PKP4: variants seen among roughly 807,000 people sequenced by gnomAD.
PKP4 encodes the protein plakophilin 4, also known as plakophilin-4.
Under a neutral mutation model 145.1 loss-of-function variants are expected in PKP4, and 90 were observed. The observed-to-expected ratio is 0.62, with a 90% CI of 0.52 to 0.74. The LOEUF is 0.74. Among genes scored for constraint, PKP4 ranks in the 30% least tolerant of loss-of-function variants. PKP4 has a pLI of 0.00. For missense variants in PKP4, 1,340 were observed against 1,482.7 expected (o/e 0.90, Z 1.58); for synonymous variants, 563 against 577.2 (o/e 0.98, Z 0.35).
chr2:158,678,898 A>T (rs2058244392), intron 21 of PKP4: 1 of 550,300 alleles, frequency 1.8e-6, no homozygotes, highest in African/African-American at 1.9e-5. Flanking sequence ...GACAGCCGAG[A>T]AGTCTTTAGT....
chr2:158,656,964 C>T (rs1003466789), intron 11 of PKP4, among the ~76,000 whole-genome samples: 4 of 152,186 alleles, frequency 2.6e-5, no homozygotes, highest in Non-Finnish European at 5.9e-5. Flanking sequence ...CTCCGGGCCA[C>T]GCTCTTGATC....
intron 2 of PKP4, among the ~76,000 whole-genome samples, chr2:158,547,768 G>A (rs2045209928): frequency 1.3e-5 from 2 of 152,174 alleles, no homozygotes; most frequent in East Asian, 1.9e-4. Flanking sequence ...ATAGAGCACA[G>A]ACTCTTGGAT....
intron 3 of PKP4, among the ~76,000 whole-genome samples, chr2:158,594,512 G>A (rs980237736): frequency 6.6e-6 from 1 of 152,184 alleles, no homozygotes. Context: ...GCCTTAGGAA[G>A]AGAGGGGACT....
chr2:158,604,323 A>G (rs1406301501), intron 4 of PKP4, among the ~76,000 whole-genome samples: 2 of 152,182 alleles, frequency 1.3e-5, no homozygotes, highest in Non-Finnish European at 2.9e-5. Flanking sequence ...TGCAAAGTCT[A>G]GAAGGCTGAA....
chr2:158,617,717 A>G (rs1027164252), intron 4 of PKP4, among the ~76,000 whole-genome samples: 1 of 152,228 alleles, frequency 6.6e-6, no homozygotes, highest in African/African-American at 2.4e-5. Flanking sequence ...CTGTGCATAT[A>G]TAGGTTTATG....
intron 11 of PKP4, among the ~76,000 whole-genome samples, chr2:158,648,860 G>T (rs538455682): frequency 6.6e-6 from 1 of 151,014 alleles, no homozygotes; most frequent in Admixed American, 6.6e-5. Context: ...TTAGCCAGGT[G>T]TGGTGGCACA....
intron 1 of PKP4, among the ~76,000 whole-genome samples, chr2:158,470,684 A>G (rs1691427132): frequency 6.6e-6 from 1 of 152,210 alleles, no homozygotes; most frequent in Non-Finnish European, 1.5e-5. Context: ...GACACTAGTA[A>G]GAAGAACTGA....
At chr2:158,514,328 C>G (rs1490027281) in intron 1 of PKP4, among the ~76,000 whole-genome samples, 1 of 152,180 alleles carries the variant, frequency 6.6e-6, no homozygotes, top group African/African-American at 2.4e-5. Context: ...TCATCCAGTC[C>G]ATTGCGTTCT....
chr2:158,632,939 G>A (rs544883743), intron 8 of PKP4, among the ~76,000 whole-genome samples: 1 of 152,328 alleles, frequency 6.6e-6, no homozygotes, highest in South Asian at 2.1e-4. Context: ...AGGAAGATAT[G>A]TACACAGTTA....
At chr2:158,642,806 A>G in intron 11 of PKP4, 107 bp downstream of exon 11, 1 of 746,420 alleles carries the variant, frequency 1.3e-6, no homozygotes, top group Non-Finnish European at 2.2e-6. Context: ...GGTAATAGAT[A>G]ATGAGATATA....
rs1482605466 is a variant in PKP4, at chr2:158,625,090, C to G, written c.816C>G (p.Ala272=). 2 of 1,614,074 alleles carry G rather than the reference C, an allele frequency of 1.2e-6. No individual in the cohort carries two copies. The highest frequency in any genetic ancestry group is 1.7e-5 in the Admixed American group (1 of 60,014). Residue 272 remains alanine (A), a synonymous_variant, in exon 7 of 22, where the codon GCC becomes GCG. Coordinates refer to ENST00000389759, the MANE Select transcript of PKP4 (RefSeq NM_003628.6). The stretch of plus-strand genomic sequence containing the variant: ...CCACATTACCTGCTGCACGGGCAGC[C>G]TCTCCGTACTCACAGAGACCCGCCT... ...SSTTLPAARA[A]SPYSQRPASP... is the part of the protein sequence containing the mutation.
At chr2:158,593,692 C>T (rs1328450391) in intron 3 of PKP4, among the ~76,000 whole-genome samples, 1 of 152,178 alleles carries the variant, frequency 6.6e-6, no homozygotes, top group African/African-American at 2.4e-5. Context: ...CTTTCGCCTT[C>T]AGGAGGCTGA....
chr2:158,517,787 G>A (rs762379049), intron 1 of PKP4, among the ~76,000 whole-genome samples: 5 of 151,706 alleles, frequency 3.3e-5, no homozygotes, highest in South Asian at 2.1e-4. Flanking sequence ...CAGTGGTGTC[G>A]TGCCACTGTA....
chr2:158,617,132 A>T (rs577842093), intron 4 of PKP4, among the ~76,000 whole-genome samples: 1 of 152,340 alleles, frequency 6.6e-6, no homozygotes, highest in African/African-American at 2.4e-5. Context: ...GAGCACTCAA[A>T]TGAAATGTAA....
At chr2:158,670,784 T>C (rs929518684) in intron 17 of PKP4, among the ~76,000 whole-genome samples, 5 of 152,222 alleles carry the variant, frequency 3.3e-5, no homozygotes, top group Non-Finnish European at 7.3e-5. Flanking sequence ...ATGGCGCATT[T>C]CCCTTTGCTT....
chr2:158,658,164 T>C lies in PKP4; in HGVS notation c.1943T>C (p.Val648Ala), dbSNP rs1187330813. Reference sequence around the variant, plus strand: ...TGGAATTTATCCTCATGTGATGCTGTAAAAATGACAATCATTCGAGATGCT... The same window carrying C: ...TGGAATTTATCCTCATGTGATGCTGCAAAAATGACAATCATTCGAGATGCT... ...VLWNLSSCDA[V>A]KMTIIRDALS... Residue 648 changes from valine to alanine, a missense_variant, in exon 12 of 22, where the codon GTA becomes GCA. Physicochemically the swap from Val to Ala is moderately conservative, Grantham distance 64 (BLOSUM62 0). Transcript: ENST00000389759. 2.5e-6 allele frequency: 4 copies of C among 1,607,048 alleles called. No individual in the cohort carries two copies. The highest frequency in any genetic ancestry group is 3.4e-6 in the Non-Finnish European group (4 of 1,174,990).
chr2:158,567,848 A>G (rs1467508020), intron 2 of PKP4, among the ~76,000 whole-genome samples: 2 of 152,228 alleles, frequency 1.3e-5, no homozygotes, highest in East Asian at 1.9e-4. Context: ...GATTCAGCCT[A>G]TGCTAAAGAT....
chr2:158,565,701 G>T (rs1574511693), intron 2 of PKP4, among the ~76,000 whole-genome samples: 1 of 152,206 alleles, frequency 6.6e-6, no homozygotes, highest in East Asian at 1.9e-4. Flanking sequence ...GCTTTATTCT[G>T]GATGTGTATG....
Position 158,482,147 on chromosome 2 carries a change from A to G in PKP4, c.-6+24929A>G, listed in dbSNP as rs182148259. Among the ~76,000 whole-genome samples the G allele has an allele frequency of 7.2e-5, 11 of 152,376 alleles. No individual in the cohort carries two copies. The East Asian group carries it at 1.7e-3, about 24-fold the overall frequency. ...GTTCAGTTACTTGGTCATACTGGCC[A>G]CATTTCAAGTGTTCAGTAGCCACGT... On this transcript the variant is annotated intron_variant, in intron 1 of 21. Transcript: ENST00000389759.
Sources: gnomAD v4.1 joint callset for allele counts (sites outside exome capture counted in the v4.1 genomes callset) on GRCh38, gnomAD v4.1.1 for gene constraint, MANE v1.5 for transcripts, NCBI Gene and HGNC (gene_info 2026-07-23, HGNC 2026-07-21) for gene names.